The following ANOS1 variants were observed in gnomAD, a reference collection of about 807,000 sequenced individuals.
ANOS1 encodes anosmin 1.
In ANOS1, 6 loss-of-function variants were observed where a neutral mutation model predicts 59.0. The observed-to-expected ratio is 0.10, with a 90% CI of 0.06 to 0.20. The LOEUF is 0.20. ANOS1 is among the 10% of genes least tolerant of loss of function. The pLI is 1.00. For missense variants in ANOS1, 433 were observed against 542.3 expected, an observed-to-expected ratio of 0.80 and a Z score of 2.00; for synonymous variants, 217 against 223.4, an observed-to-expected ratio of 0.97 and a Z score of 0.25.
intron 1 of ANOS1, among the ~76,000 whole-genome samples, chrX:8,720,066 C>A (rs1278963955): frequency 8.9e-6 from 1 of 111,742 alleles, no homozygotes; most frequent in East Asian, 2.8e-4. Context: ...AAGATTTCCT[C>A]ATTGCCTAAC....
chrX:8,581,382 G>C (rs955808956), intron 6 of ANOS1, among the ~76,000 whole-genome samples: 1 of 111,589 alleles, frequency 9.0e-6, no homozygotes, highest in Admixed American at 9.6e-5. Flanking sequence ...GGAACTCTAA[G>C]TCCAATTAAG....
chrX:8,609,761 A>G (rs1409392257), intron 3 of ANOS1, among the ~76,000 whole-genome samples: 1 of 110,512 alleles, frequency 9.0e-6, no homozygotes, highest in Non-Finnish European at 1.9e-5. Context: ...TAATCCCAGC[A>G]CTTTGGGAGG....
At chrX:8,667,627 G>A (rs775522479) in intron 2 of ANOS1, among the ~76,000 whole-genome samples, 5 of 111,479 alleles carry the variant, frequency 4.5e-5, no homozygotes, top group African/African-American at 1.6e-4. Context: ...CTGTAATGTG[G>A]GTCACACACC....
At chrX:8,554,505 G>T (rs1438527297) in intron 8 of ANOS1, among the ~76,000 whole-genome samples, 1 of 108,780 alleles carries the variant, frequency 9.2e-6, no homozygotes, top group Admixed American at 9.8e-5. Flanking sequence ...TGCAAAACTG[G>T]GAGGCCATTT....
chrX:8,666,762 C>G (rs1055615005), intron 2 of ANOS1, among the ~76,000 whole-genome samples: 51 of 112,065 alleles, frequency 4.6e-4, no homozygotes, highest in African/African-American at 1.6e-3. Context: ...AAAATGTGGA[C>G]ATTGACATCG....
chrX:8,534,561 T>A, intron 12 of ANOS1, 101 bp from the exon 13 acceptor site: 1 of 864,369 alleles, frequency 1.2e-6, no homozygotes, highest in Non-Finnish European at 1.7e-6. Context: ...CTGGAGAATA[T>A]CATACACAGG....
intron 4 of ANOS1, 108 bp downstream of exon 4, chrX:8,596,926 T>G: frequency 9.0e-7 from 1 of 1,115,392 alleles, no homozygotes; most frequent in Non-Finnish European, 1.2e-6. Context: ...TTTCTAAAGA[T>G]TTTATGTTTT....
chrX:8,658,442 C>G (rs752202098), intron 2 of ANOS1, among the ~76,000 whole-genome samples: 1 of 111,974 alleles, frequency 8.9e-6, no homozygotes, highest in Admixed American at 9.5e-5. Context: ...TGTTTTCCCT[C>G]CTAAGACTAT....
At chrX:8,666,614 T>C (rs1332292863) in intron 2 of ANOS1, among the ~76,000 whole-genome samples, 1 of 111,918 alleles carries the variant, frequency 8.9e-6, no homozygotes, top group Non-Finnish European at 1.9e-5. Context: ...GCTAAATTGA[T>C]ATATCCCCAA....
At chrX:8,588,925 T>C (rs1353019777) in intron 4 of ANOS1, among the ~76,000 whole-genome samples, 2 of 112,705 alleles carry the variant, frequency 1.8e-5, no homozygotes, top group African/African-American at 6.4e-5. Context: ...TTAATAGCAT[T>C]TTCTGTACAC....
In ANOS1 at chrX:8,730,260, G is replaced by A. The variant is rs767236934; in HGVS notation, c.207+1570C>T. ...GAGAGTGACTTTCAGGGTAGGACTC[G>A]GAGGGCTGGAAACCAGGTGCCTGGG... is the stretch of plus-strand genomic sequence containing the variant. On this transcript the variant is annotated intron_variant, in intron 1 of 13. Coordinates refer to ENST00000262648, the MANE Select transcript of ANOS1 (RefSeq NM_000216.4). Among the ~76,000 whole-genome samples, 3 of 112,426 alleles carry A rather than the reference G, an allele frequency of 2.7e-5. No individual in the cohort carries two copies. In the East Asian group the frequency reaches 8.4e-4, roughly 32 times the overall value.
chrX:8,692,224 A>T (rs775283260), intron 2 of ANOS1, among the ~76,000 whole-genome samples: 80 of 111,709 alleles, frequency 7.2e-4, no homozygotes, highest in African/African-American at 2.5e-3. Flanking sequence ...CAGGAAATTG[A>T]AATTTTACTA....
chrX:8,614,100 T>A (rs1461678344), intron 3 of ANOS1, among the ~76,000 whole-genome samples: 15 of 111,965 alleles, frequency 1.3e-4, no homozygotes, highest in Non-Finnish European at 7.5e-5. Flanking sequence ...CATCTTCAGA[T>A]GCATGAGTTT....
chrX:8,707,171 C>A (rs1009155903), intron 1 of ANOS1, among the ~76,000 whole-genome samples: 3 of 112,013 alleles, frequency 2.7e-5, no homozygotes, highest in Admixed American at 9.5e-5. Context: ...AGTGTCTATC[C>A]CTAGCACATG....
intron 1 of ANOS1, among the ~76,000 whole-genome samples, chrX:8,727,991 G>A (rs1331206216): frequency 8.9e-6 from 1 of 112,669 alleles, no homozygotes; most frequent in African/African-American, 3.2e-5. Flanking sequence ...GAAGCAAGTG[G>A]CAGAAGAAAG....
At chrX:8,572,251 C>A (rs1040869975) in intron 6 of ANOS1, among the ~76,000 whole-genome samples, 3 of 110,556 alleles carry the variant, frequency 2.7e-5, no homozygotes, top group Admixed American at 9.7e-5. Flanking sequence ...TTAAGCCCAG[C>A]AACCATTTAG....
intron 6 of ANOS1, among the ~76,000 whole-genome samples, chrX:8,581,930 A>G (rs940546809): frequency 2.7e-5 from 3 of 112,167 alleles, no homozygotes; most frequent in Non-Finnish European, 5.6e-5. Flanking sequence ...ATTTAAAGGT[A>G]GAAACAACAA....
At chrX:8,664,737 G>T (rs776917979) in intron 2 of ANOS1, among the ~76,000 whole-genome samples, 1 of 111,377 alleles carries the variant, frequency 9.0e-6, no homozygotes, top group East Asian at 2.8e-4. Context: ...GTACCCCACG[G>T]TCTCTGCAGA....
chrX:8,576,560 G>C (rs993998481), intron 6 of ANOS1, among the ~76,000 whole-genome samples: 3 of 107,627 alleles, frequency 2.8e-5, no homozygotes, highest in Non-Finnish European at 5.7e-5. Flanking sequence ...TGGCTGATGA[G>C]AGCCAGAGAG....
Sources: allele counts gnomAD v4.1 joint callset (sites outside exome capture counted in the v4.1 genomes callset), GRCh38; gene constraint gnomAD v4.1.1; transcripts MANE v1.5; gene names NCBI Gene and HGNC (gene_info 2026-07-23, HGNC 2026-07-21).